The following EXTL3 variants were observed in gnomAD, a reference collection of about 807,000 sequenced individuals.
EXTL3 encodes the protein exostosin-like 3.
Under a neutral mutation model 69.3 loss-of-function variants are expected in EXTL3, and 27 were observed. The observed-to-expected ratio is 0.39, with a 90% CI of 0.29 to 0.54. The LOEUF (loss-of-function observed/expected upper bound fraction) is 0.54. Ranked by LOEUF, EXTL3 falls within the 20% of genes least tolerant of loss-of-function variation. The pLI is 0.69. For synonymous variants in EXTL3, 511 were observed against 499.4 expected, an observed-to-expected ratio of 1.02 and a Z score of -0.31; for missense variants, 1,003 against 1,231.8, an observed-to-expected ratio of 0.81 and a Z score of 2.78.
intron 3 of EXTL3, among the ~76,000 whole-genome samples, chr8:28,728,367 C>T (rs1801458031): frequency 1.3e-5 from 2 of 152,212 alleles, no homozygotes; most frequent in African/African-American, 2.4e-5. Flanking sequence ...TGACCTAGGC[C>T]TCACTCGGTC....
chr8:28,648,555 C>A (rs1421010933), intron 1 of EXTL3, among the ~76,000 whole-genome samples: 1 of 152,140 alleles, frequency 6.6e-6, no homozygotes, highest in Non-Finnish European at 1.5e-5. Context: ...GGCTCCAGAT[C>A]CTTTTCTTAA....
rs1318532355 is a variant in EXTL3 at position 28,717,956 on chromosome 8, G to C, written c.1897G>C (p.Gly633Arg). 6.2e-7 allele frequency: 1 copy of C among 1,614,256 alleles called. No individual in the cohort carries two copies. Among genetic ancestry groups the C allele is most frequent in the Non-Finnish European group, 8.5e-7 (1 of 1,180,048 alleles). The change falls in exon 3 of 7, where the codon GGG (glycine) becomes CGG (arginine). Residue 633 changes from glycine to arginine, a missense_variant. By Grantham distance (125) the Gly-to-Arg change is moderately radical. Transcript: ENST00000220562. The surrounding 1 kb of genome is among the most constrained non-coding windows in gnomAD (Gnocchi z 8.3). Reference protein sequence around the residue: ...LPSEAKFLGSGTGFRPIGGGA... With the variant: ...LPSEAKFLGSRTGFRPIGGGA... ...CTCAGAGGCCAAATTCTTGGGCTCA[G>C]GGACTGGCTTTCGGCCTATTGGTGG...
intron 1 of EXTL3, among the ~76,000 whole-genome samples, chr8:28,643,153 A>G (rs1275117578): frequency 6.6e-6 from 1 of 152,136 alleles, no homozygotes; most frequent in Non-Finnish European, 1.5e-5. Flanking sequence ...CTGAGGCAGA[A>G]GAATCGCTTG....
chr8:28,748,367 TC>T (rs1350793063), intron 6 of EXTL3, among the ~76,000 whole-genome samples: 1 of 125,364 alleles, frequency 8.0e-6, no homozygotes. Context: ...TGAGACTGTC[TC>T]AAAAAAAAAA....
intron 1 of EXTL3, among the ~76,000 whole-genome samples, chr8:28,668,171 G>A (rs916510099): frequency 5.3e-5 from 8 of 150,860 alleles, no homozygotes; most frequent in African/African-American, 1.7e-4. Flanking sequence ...TGAGGCTGAC[G>A]TGAGAGGATT....
intron 1 of EXTL3, among the ~76,000 whole-genome samples, chr8:28,686,544 T>G (rs933431501): frequency 6.6e-6 from 1 of 152,042 alleles, no homozygotes; most frequent in African/African-American, 2.4e-5. Flanking sequence ...TTGGAGTAAA[T>G]GGGCTTGGGG....
rs967983154 is a variant in EXTL3, at chr8:28,750,507, G to A, written c.2551-150G>A. On this transcript the variant is annotated intron_variant, in intron 6 of 6. Coordinates refer to ENST00000220562, the MANE Select transcript of EXTL3 (RefSeq NM_001440.4). This position sits in a 1 kb window ranked among gnomAD's most constrained non-coding sequence, Gnocchi z 5.2. ...TGGTAGGCAGGAGGCCTGGGGCCGG[G>A]CTCTGGTTCCTGCCATGCTCTGCAG... 2 of 716,752 alleles carry A rather than the reference G, an allele frequency of 2.8e-6. No homozygotes were observed. The highest frequency in any genetic ancestry group is 5.0e-6 in the Non-Finnish European group (2 of 400,218). The allele number at this position is 716,752 out of a possible 1,614,324, so 44.4% of individuals were successfully genotyped here.
intron 1 of EXTL3, among the ~76,000 whole-genome samples, chr8:28,681,928 C>T (rs1807496679): frequency 6.6e-6 from 1 of 152,122 alleles, no homozygotes; most frequent in Non-Finnish European, 1.5e-5. Flanking sequence ...TGGCACATGC[C>T]TGTAGTCCCA....
In EXTL3 at chr8:28,753,261, T is replaced by C. The variant is rs1183589993; in HGVS notation, c.*2395T>C. ...CCGCCGACCTGTGACTCGCTTGAGA[T>C]GGGAAAGCGGCGCCACAGACCCCGG... On this transcript the variant is annotated 3_prime_UTR_variant, in exon 7 of 7. Coordinates refer to ENST00000220562, the MANE Select transcript of EXTL3 (RefSeq NM_001440.4). 2 of 152,210 alleles carry C rather than the reference T, an allele frequency of 1.3e-5. No individual in the cohort carries two copies. The highest frequency in any genetic ancestry group is 4.8e-5 in the African/African-American group (2 of 41,448). The allele number at this position is 152,210 out of a possible 1,614,324, so 9.4% of individuals were successfully genotyped here.
intron 6 of EXTL3, among the ~76,000 whole-genome samples, chr8:28,749,380 C>G (rs1407634771): frequency 6.6e-6 from 1 of 152,134 alleles, no homozygotes; most frequent in Non-Finnish European, 1.5e-5. Context: ...TATTAAATTT[C>G]AGTGAAATGG....
intron 1 of EXTL3, among the ~76,000 whole-genome samples, chr8:28,648,675 T>C (rs541822433): frequency 2.0e-5 from 3 of 151,910 alleles, no homozygotes; most frequent in Admixed American, 6.6e-5. Flanking sequence ...GAGGTGTGTG[T>C]CATTACAGGG....
chr8:28,741,500 G>T (rs1023483724), intron 5 of EXTL3: 1 of 151,966 alleles, frequency 6.6e-6, no homozygotes, highest in Non-Finnish European at 1.5e-5. Flanking sequence ...ACCCAGGCTG[G>T]ATTGCAGTGG....
In EXTL3 at chr8:28,715,878, C is replaced by T. The variant is rs1273363110; in HGVS notation, c.-182C>T. On this transcript the variant is annotated 5_prime_UTR_variant, in exon 3 of 7. Transcript: ENST00000220562. ...AACTTAAAATCTGCTGGAATAGGGT[C>T]AGAGACCATTTCAGCTGCAGCTGAG... 2.3e-5 allele frequency: 14 copies of T among 606,908 alleles called. No homozygotes were observed. The highest frequency in any genetic ancestry group is 3.8e-5 in the Non-Finnish European group (13 of 343,570). The allele number at this position is 606,908 out of a possible 1,614,324, so 37.6% of individuals were successfully genotyped here.
chr8:28,728,222 G>C (rs1483522273), intron 3 of EXTL3, among the ~76,000 whole-genome samples: 1 of 152,192 alleles, frequency 6.6e-6, no homozygotes, highest in Non-Finnish European at 1.5e-5. Context: ...GTCTTACAAT[G>C]GATGGCCTCT....
At chr8:28,739,502 G>T (rs964220444) in intron 5 of EXTL3, among the ~76,000 whole-genome samples, 2 of 151,538 alleles carry the variant, frequency 1.3e-5, no homozygotes, top group African/African-American at 4.9e-5. Context: ...AATTTTTTTT[G>T]GTAATTTTTA....
At chr8:28,615,883 C>A (rs189970230) in intron 2 of EXTL3, among the ~76,000 whole-genome samples, 55 of 152,068 alleles carry the variant, frequency 3.6e-4, no homozygotes, top group African/African-American at 1.2e-3. Context: ...CTGCAGCTTT[C>A]TTTTGATTGG....
chr8:28,714,237 A>T (rs983997639), intron 2 of EXTL3, among the ~76,000 whole-genome samples: 3 of 152,142 alleles, frequency 2.0e-5, no homozygotes. Flanking sequence ...AATTGTTATT[A>T]TAATTTATTG....
intron 1 of EXTL3, among the ~76,000 whole-genome samples, chr8:28,649,536 T>A (rs971665636): frequency 2.6e-5 from 4 of 152,200 alleles, no homozygotes; most frequent in African/African-American, 9.6e-5. Context: ...AATGATCTGT[T>A]CATATTCTTT....
intron 1 of EXTL3, among the ~76,000 whole-genome samples, chr8:28,658,556 G>C (rs767789288): frequency 2.0e-5 from 3 of 151,918 alleles, no homozygotes; most frequent in Admixed American, 1.3e-4. Flanking sequence ...TTATCTTGGA[G>C]ACTCTAAAAA....
Sources: gnomAD v4.1 joint callset for allele counts (sites outside exome capture counted in the v4.1 genomes callset) on GRCh38, gnomAD v4.1.1 for gene constraint, Gnocchi (gnomAD v3.1) non-coding constraint, MANE v1.5 for transcripts, NCBI Gene and HGNC (gene_info 2026-07-23, HGNC 2026-07-21) for gene names.